STXBP5: variants seen among roughly 807,000 people sequenced by gnomAD.
STXBP5 encodes syntaxin binding protein 5, also known as syntaxin-binding protein 5.
STXBP5 carries 50 observed loss-of-function variants against 152.4 expected under a neutral mutation model. The ratio of observed to expected loss-of-function variants is 0.33; its 90% confidence interval spans 0.26 to 0.42. The LOEUF is 0.42. Among genes scored for constraint, STXBP5 ranks in the 10% least tolerant of loss-of-function variants. The probability of loss-of-function intolerance (pLI) is 1.00; values close to 1 mark genes in which losing one functional copy is unlikely to be tolerated. For missense variants in STXBP5, 1,167 were observed against 1,388.6 expected (o/e 0.84, Z 2.54); for synonymous variants, 492 against 494.7 (o/e 0.99, Z 0.07).
intron 16 of STXBP5, among the ~76,000 whole-genome samples, chr6:147,321,152 C>A (rs1376883264): frequency 6.6e-6 from 1 of 151,858 alleles, no homozygotes; most frequent in East Asian, 1.9e-4. Context: ...TCATTTTTTT[C>A]TTTTAATAGT....
intron 18 of STXBP5, among the ~76,000 whole-genome samples, chr6:147,333,727 A>T (rs976190365): frequency 6.6e-6 from 1 of 152,202 alleles, no homozygotes; most frequent in East Asian, 1.9e-4. Context: ...AGAAAAGCAG[A>T]TACTGGTGAT....
intron 25 of STXBP5, among the ~76,000 whole-genome samples, chr6:147,364,991 T>C (rs1259882309): frequency 6.6e-6 from 1 of 152,218 alleles, no homozygotes; most frequent in Non-Finnish European, 1.5e-5. Flanking sequence ...AGTTACTCAG[T>C]GACTCTAAGC....
In STXBP5 at chr6:147,384,878, C is replaced by T; in HGVS notation, c.*123C>T. 1.0e-6 allele frequency: 1 copy of T among 974,294 alleles called. No individual in the cohort carries two copies. The highest frequency in any genetic ancestry group is 2.2e-5 in the Admixed American group (1 of 45,726). The allele number at this position is 974,294 out of a possible 1,614,324, so 60.4% of individuals were successfully genotyped here. On this transcript the variant is annotated 3_prime_UTR_variant, in exon 28 of 28. Coordinates refer to ENST00000321680, the MANE Select transcript of STXBP5 (RefSeq NM_001127715.4). The stretch of plus-strand genomic sequence containing the variant: ...CACTGAATACTGTTCTTTCCTAGCA[C>T]AGTCATGCACTGTTTTACCTCAGTC...
chr6:147,249,823 G>A (rs1156931391), intron 4 of STXBP5, among the ~76,000 whole-genome samples: 1 of 152,154 alleles, frequency 6.6e-6, no homozygotes, highest in Non-Finnish European at 1.5e-5. Flanking sequence ...CAGTCACACA[G>A]AGGGCCCTTT....
chr6:147,319,226 A>T (rs980316829), intron 16 of STXBP5, among the ~76,000 whole-genome samples: 3 of 152,038 alleles, frequency 2.0e-5, no homozygotes, highest in African/African-American at 7.2e-5. Flanking sequence ...TTTATTTTTC[A>T]TTGAGTTTTT....
intron 21 of STXBP5, among the ~76,000 whole-genome samples, chr6:147,349,157 A>G (rs1272690447): frequency 6.6e-6 from 1 of 152,168 alleles, no homozygotes; most frequent in Admixed American, 6.5e-5. Flanking sequence ...CATTCTGTGC[A>G]TTGAAAAAAA....
At chr6:147,278,530 C>T (rs1040628285) in intron 8 of STXBP5, among the ~76,000 whole-genome samples, 3 of 151,948 alleles carry the variant, frequency 2.0e-5, no homozygotes, top group African/African-American at 7.3e-5. Flanking sequence ...TAAGCTTTTC[C>T]ATCTCAAAGC....
Position 147,315,527 on chromosome 6 carries a change from T to C in STXBP5, c.1415T>C (p.Val472Ala). The change falls in exon 15 of 28, where the codon GTA becomes GCA. Residue 472 changes from valine (V) to alanine (A), a missense_variant. Coordinates refer to ENST00000321680, the MANE Select transcript of STXBP5 (RefSeq NM_001127715.4). ...FWDASAITLQ[V>A]LYKLKTSKVF... ...ATCTTTTTTCCAGTAACTCTACAAGTATTATATAAGCTAAAGACATCTAAA... is the reference window on the plus strand; with the variant it reads ...ATCTTTTTTCCAGTAACTCTACAAGCATTATATAAGCTAAAGACATCTAAA... 6.2e-7 allele frequency: 1 copy of C among 1,604,856 alleles called. No individual in the cohort carries two copies. The highest frequency in any genetic ancestry group is 8.5e-7 in the Non-Finnish European group (1 of 1,172,512).
chr6:147,238,774 C>T (rs1329543416), intron 3 of STXBP5, among the ~76,000 whole-genome samples: 1 of 152,006 alleles, frequency 6.6e-6, no homozygotes, highest in African/African-American at 2.4e-5. Flanking sequence ...TTGTCTTAAG[C>T]CAAATGAAAT....
chr6:147,338,731 A>AATAGATAGTTTTAAACTAT (rs1783949400), intron 19 of STXBP5, among the ~76,000 whole-genome samples: 1 of 150,308 alleles, frequency 6.7e-6, no homozygotes. Context: ...TAGTAGAATG[A>AATAGATAGTTTTAAACTAT]ATATATAGTT....
Position 147,311,455 on chromosome 6 carries a change from A to T in STXBP5, c.1073A>T (p.Asp358Val), listed in dbSNP as rs776334890. Reference protein sequence around the residue: ...LTLCETPYPNDFQEPYAVVVL... With the variant: ...LTLCETPYPNVFQEPYAVVVL... ...TAATTCATGCATTGTCCAATTCCAG[A>T]TTTTCAAGAACCATATGCTGTGGTT... The change falls in exon 11 of 28, where the codon GAT (aspartate) becomes GTT (valine). Residue 358 changes from aspartate (D) to valine (V), a missense_variant and splice_region_variant. Around this residue, in one of 3 missense-constraint regions of STXBP5, gnomAD observed 833 missense variants for 986.3 expected, o/e 0.84. Coordinates refer to ENST00000321680, the MANE Select transcript of STXBP5 (RefSeq NM_001127715.4). 3.1e-6 allele frequency: 5 copies of T among 1,611,614 alleles called. No individual in the cohort carries two copies. Among genetic ancestry groups the T allele is most frequent in the Non-Finnish European group, 4.2e-6 (5 of 1,178,910 alleles).
intron 3 of STXBP5, 107 bp from the exon 4 acceptor site, chr6:147,239,063 G>A (rs182252068): frequency 2.1e-6 from 2 of 943,060 alleles, no homozygotes; most frequent in African/African-American, 1.7e-5. Flanking sequence ...AAATCTGTTG[G>A]CAGAAAGTTT....
intron 6 of STXBP5, 24 bp from the exon 7 acceptor site, chr6:147,267,060 A>C (rs1357946603): frequency 6.4e-7 from 1 of 1,573,986 alleles, no homozygotes. Context: ...TTCCTAGGTA[A>C]TGTGCCTTTT....
rs1288716314 is a variant in STXBP5, at chr6:147,390,319, GTAAA to G, written c.*5571_*5574del. 6.6e-6 allele frequency: 1 copy of G among 151,862 alleles called. No individual in the cohort carries two copies. The highest frequency in any genetic ancestry group is 1.9e-4 in the East Asian group (1 of 5,186). The allele number at this position is 151,862 out of a possible 1,614,324, so 9.4% of individuals were successfully genotyped here. On this transcript the variant is annotated 3_prime_UTR_variant, in exon 28 of 28. Transcript: ENST00000321680. ...TAAAATTAGGTAATGAAATATTTTT[GTAAA>G]TAAATACCGTTAAGCTGGTATTTTA... is the stretch of plus-strand genomic sequence containing the variant.
intron 18 of STXBP5, among the ~76,000 whole-genome samples, chr6:147,333,955 T>G (rs1783706335): frequency 6.6e-6 from 1 of 152,250 alleles, no homozygotes; most frequent in Admixed American, 6.5e-5. Context: ...TTGTTTTAAC[T>G]GATGAGTGCT....
chr6:147,206,175 T>C (rs2115008514), intron 2 of STXBP5, 107 bp downstream of exon 2: 1 of 889,188 alleles, frequency 1.1e-6, no homozygotes, highest in Non-Finnish European at 1.8e-6. Context: ...TTGGTGTGAT[T>C]AGATATATAC....
At chr6:147,347,113 G>A (rs1440491266) in intron 21 of STXBP5, among the ~76,000 whole-genome samples, 1 of 152,126 alleles carries the variant, frequency 6.6e-6, no homozygotes, top group Non-Finnish European at 1.5e-5. Flanking sequence ...TTCAAACTAG[G>A]TCCTGAGAAC....
intron 4 of STXBP5, among the ~76,000 whole-genome samples, chr6:147,243,856 T>G (rs1162430440): frequency 1.3e-5 from 2 of 152,136 alleles, no homozygotes; most frequent in Non-Finnish European, 2.9e-5. Context: ...TTGAAAAGAT[T>G]ATCTGTTTCC....
chr6:147,363,263 CA>C, intron 23 of STXBP5, 71 bp from the exon 24 acceptor site: 1 of 1,434,380 alleles, frequency 7.0e-7, no homozygotes, highest in Non-Finnish European at 9.3e-7. Flanking sequence ...TACTGTATGT[CA>C]AAGTTAGAAT....
Sources: allele counts gnomAD v4.1 joint callset (sites outside exome capture counted in the v4.1 genomes callset), GRCh38; gene constraint gnomAD v4.1.1; regional missense constraint gnomAD v4.1.1; transcripts MANE v1.5; gene names NCBI Gene and HGNC (gene_info 2026-07-23, HGNC 2026-07-21).